OPCML: variants seen among roughly 807,000 people sequenced by gnomAD.
OPCML encodes opioid binding protein/cell adhesion molecule like.
Under a neutral mutation model 37.8 loss-of-function variants are expected in OPCML, and 13 were observed. The ratio of observed to expected loss-of-function variants is 0.34; its 90% CI spans 0.22 to 0.55. The LOEUF is 0.55. Among genes scored for constraint, OPCML ranks in the 20% least tolerant of loss-of-function variants. The probability of loss-of-function intolerance (pLI) is 0.91; values close to 1 mark genes in which losing one functional copy is unlikely to be tolerated. For synonymous variants in OPCML, 176 were observed against 168.8 expected, an observed-to-expected ratio of 1.04 and a Z score of -0.33; for missense variants, 341 against 435.6, an observed-to-expected ratio of 0.78 and a Z score of 1.93.
At chr11:132,612,094 A>C (rs1162873925) in intron 3 of OPCML, among the ~76,000 whole-genome samples, 1 of 152,224 alleles carries the variant, frequency 6.6e-6, no homozygotes, top group Non-Finnish European at 1.5e-5. Context: ...CCAGGTTTTT[A>C]CAAGTTTTCC....
chr11:132,471,467 A>G (rs1336775630), intron 4 of OPCML, among the ~76,000 whole-genome samples: 1 of 152,192 alleles, frequency 6.6e-6, no homozygotes, highest in Admixed American at 6.5e-5. Context: ...TTTCTGTCTC[A>G]GTGTTATAAG....
At chr11:133,225,221 A>G (rs1592120936) in intron 1 of OPCML, among the ~76,000 whole-genome samples, 1 of 152,358 alleles carries the variant, frequency 6.6e-6, no homozygotes, top group East Asian at 1.9e-4. Context: ...TGCCAAGGTC[A>G]GGTCACTGGA....
chr11:132,476,304 T>C, intron 4 of OPCML, among the ~76,000 whole-genome samples: 1 of 151,992 alleles, frequency 6.6e-6, no homozygotes, highest in African/African-American at 2.4e-5. Context: ...GATCTAGAAC[T>C]AGAAATACCA....
At chr11:133,002,125 C>A (rs921376257) in intron 1 of OPCML, among the ~76,000 whole-genome samples, 2 of 152,176 alleles carry the variant, frequency 1.3e-5, no homozygotes, top group African/African-American at 2.4e-5. Flanking sequence ...AAAATAAAAA[C>A]AAAAGCCCTT....
chr11:133,287,539 GAAA>G (rs35418402), intron 1 of OPCML, among the ~76,000 whole-genome samples: 1 of 115,086 alleles, frequency 8.7e-6, no homozygotes, highest in East Asian at 2.3e-4. Context: ...GGAATGTTCA[GAAA>G]AAAAAAAAAA....
chr11:133,488,102 G>A (rs1458648599), intron 1 of OPCML, among the ~76,000 whole-genome samples: 1 of 152,070 alleles, frequency 6.6e-6, no homozygotes, highest in Non-Finnish European at 1.5e-5. Context: ...AGTAGACATA[G>A]AAGGAACACA....
At chr11:133,075,289 A>G (rs1378001622) in intron 1 of OPCML, among the ~76,000 whole-genome samples, 1 of 152,208 alleles carries the variant, frequency 6.6e-6, no homozygotes. Context: ...TTCATTCATT[A>G]TGAGGCCAAA....
intron 2 of OPCML, among the ~76,000 whole-genome samples, chr11:132,703,679 C>T (rs150185515): frequency 6.6e-6 from 1 of 152,312 alleles, no homozygotes; most frequent in East Asian, 1.9e-4. Flanking sequence ...TCTAAAGAGA[C>T]TGACCTGGCA....
intron 2 of OPCML, among the ~76,000 whole-genome samples, chr11:132,719,507 G>A (rs1256794397): frequency 6.6e-6 from 1 of 152,162 alleles, no homozygotes; most frequent in African/African-American, 2.4e-5. Context: ...GTCGCAGGCA[G>A]GCCTCTGTGC....
At chr11:132,930,057 A>T (rs1945146713) in intron 2 of OPCML, among the ~76,000 whole-genome samples, 1 of 152,172 alleles carries the variant, frequency 6.6e-6, no homozygotes, top group Non-Finnish European at 1.5e-5. Context: ...TGGGCATTCT[A>T]CCTGAAGCAA....
chr11:132,910,419 C>T (rs1305692656), intron 2 of OPCML, among the ~76,000 whole-genome samples: 3 of 152,202 alleles, frequency 2.0e-5, no homozygotes, highest in Admixed American at 6.5e-5. Context: ...AATTTCATAC[C>T]GCAAGAGGCA....
intron 1 of OPCML, among the ~76,000 whole-genome samples, chr11:132,990,837 AC>A (rs1288767335): frequency 6.6e-6 from 1 of 152,204 alleles, no homozygotes; most frequent in Non-Finnish European, 1.5e-5. Context: ...AACTAACCTC[AC>A]TGGATTACTG....
At chr11:133,251,794 C>T (rs1941144053) in intron 1 of OPCML, among the ~76,000 whole-genome samples, 1 of 152,148 alleles carries the variant, frequency 6.6e-6, no homozygotes, top group South Asian at 2.1e-4. Context: ...CAGACATTTC[C>T]CTGTCATCCT....
At chr11:132,556,059 C>T (rs2096394839) in intron 3 of OPCML, among the ~76,000 whole-genome samples, 1 of 152,102 alleles carries the variant, frequency 6.6e-6, no homozygotes, top group African/African-American at 2.4e-5. Context: ...CTGCCTCAGC[C>T]TCTGAAGTAG....
At chr11:133,466,908 A>G (rs1244072634) in intron 1 of OPCML, among the ~76,000 whole-genome samples, 4 of 152,176 alleles carry the variant, frequency 2.6e-5, no homozygotes, top group Non-Finnish European at 5.9e-5. Flanking sequence ...TGCTTTAAAG[A>G]CTTCTGGCAT....
intron 2 of OPCML, among the ~76,000 whole-genome samples, chr11:132,669,344 A>T (rs1402053050): frequency 2.0e-5 from 3 of 152,168 alleles, no homozygotes; most frequent in Non-Finnish European, 4.4e-5. Context: ...AAGGAGCTTC[A>T]GAGAAACACA....
At chr11:133,447,519 C>A (rs1441275432) in intron 1 of OPCML, among the ~76,000 whole-genome samples, 1 of 152,146 alleles carries the variant, frequency 6.6e-6, no homozygotes, top group Non-Finnish European at 1.5e-5. Context: ...TGGCCTCCTT[C>A]TCTCCCTTCT....
At chr11:132,901,185 A>AAATAAATAAATAAATAATAAAT (rs1054135814) in intron 2 of OPCML, among the ~76,000 whole-genome samples, 1 of 152,016 alleles carries the variant, frequency 6.6e-6, no homozygotes, top group Non-Finnish European at 1.5e-5. Flanking sequence ...GTCTCTCAAA[A>AAATAAATAAATAAATAATAAAT]AATAAATAAA....
chr11:133,395,480 G>C (rs1186039695), intron 1 of OPCML, among the ~76,000 whole-genome samples: 3 of 152,172 alleles, frequency 2.0e-5, no homozygotes, highest in Non-Finnish European at 2.9e-5. Flanking sequence ...CCAGTCCAAT[G>C]TCCTGGAAAG....
Sources: gnomAD v4.1 joint callset for allele counts (sites outside exome capture counted in the v4.1 genomes callset) on GRCh38, gnomAD v4.1.1 for gene constraint, MANE v1.5 for transcripts, NCBI Gene and HGNC (gene_info 2026-07-23, HGNC 2026-07-21) for gene names.